Variants in SORCS2 observed in about 807,000 individuals in gnomAD.
The protein encoded by SORCS2 is VPS10 domain-containing receptor SorCS2.
A neutral mutation model predicts 141.6 loss-of-function variants in SORCS2; 100 were observed. The observed-to-expected ratio is 0.71, with a 90% CI of 0.60 to 0.83. The LOEUF is 0.83. SORCS2 is among the 40% of genes least tolerant of loss of function. The pLI is 0.00. For synonymous variants in SORCS2, 789 were observed against 676.9 expected (o/e 1.17, Z -2.57); for missense variants, 1,646 against 1,560.2 (o/e 1.05, Z -0.93).
chr4:7,463,733 C>T (rs912905031), intron 2 of SORCS2, among the ~76,000 whole-genome samples: 2 of 152,184 alleles, frequency 1.3e-5, no homozygotes, highest in African/African-American at 2.4e-5. Context: ...TGCCACTCTC[C>T]TGCACCGCTC....
chr4:7,433,318 G>C, intron 2 of SORCS2: 2 of 1,403,154 alleles, frequency 1.4e-6, no homozygotes, highest in Non-Finnish European at 1.9e-6. Flanking sequence ...CCACGGTCAC[G>C]CGTGTTCCCC....
chr4:7,250,305 C>T (rs1713406753), intron 1 of SORCS2, among the ~76,000 whole-genome samples: 1 of 152,148 alleles, frequency 6.6e-6, no homozygotes, highest in Non-Finnish European at 1.5e-5. Context: ...GCAATTCTCC[C>T]ACCACCTGGG....
At chr4:7,421,399 G>A (rs371268155) in intron 2 of SORCS2, among the ~76,000 whole-genome samples, 6 of 152,278 alleles carry the variant, frequency 3.9e-5, no homozygotes, top group East Asian at 3.9e-4. Context: ...TGTGGCTTTC[G>A]GGAAGTGACT....
chr4:7,383,082 C>T (rs531855292), intron 1 of SORCS2, among the ~76,000 whole-genome samples: 2 of 152,262 alleles, frequency 1.3e-5, no homozygotes, highest in African/African-American at 4.8e-5. Flanking sequence ...ACGGAGTCCT[C>T]ATGCCCCGCG....
intron 1 of SORCS2, among the ~76,000 whole-genome samples, chr4:7,242,011 C>T (rs114984059): frequency 2.0e-5 from 3 of 152,118 alleles, no homozygotes; most frequent in Non-Finnish European, 2.9e-5. Flanking sequence ...GCAGAGGCTG[C>T]CGTTTGACTG....
intron 2 of SORCS2, among the ~76,000 whole-genome samples, chr4:7,403,991 ATATATATTTTTTTTTT>A (rs1310905309): frequency 1.2e-3 from 6 of 5,052 alleles, no homozygotes; most frequent in South Asian, 4.8e-3. Context: ...ATATATATAT[ATATATATTTTTTTTTT>A]TTTTTTAGTA....
intron 1 of SORCS2, among the ~76,000 whole-genome samples, chr4:7,232,386 C>T (rs1416938072): frequency 6.6e-6 from 1 of 152,196 alleles, no homozygotes; most frequent in Non-Finnish European, 1.5e-5. Flanking sequence ...ACTCCTAGGA[C>T]CCAGGGCCCG....
intron 2 of SORCS2, among the ~76,000 whole-genome samples, chr4:7,396,655 A>G (rs1409050046): frequency 6.6e-6 from 1 of 152,134 alleles, no homozygotes; most frequent in East Asian, 1.9e-4. Flanking sequence ...GAGGGTTTGC[A>G]TTGTGAATTC....
intron 3 of SORCS2, among the ~76,000 whole-genome samples, chr4:7,581,715 T>TC (rs1440024544): frequency 6.6e-6 from 1 of 152,034 alleles, no homozygotes; most frequent in African/African-American, 2.4e-5. Context: ...TTGCTTAGGG[T>TC]CCCCCACAGC....
intron 1 of SORCS2, among the ~76,000 whole-genome samples, chr4:7,214,491 C>T (rs568304004): frequency 7.9e-5 from 12 of 152,322 alleles, no homozygotes; most frequent in Non-Finnish European, 1.5e-4. Flanking sequence ...ATGACTCAGT[C>T]TGTGGTATTC....
intron 16 of SORCS2, among the ~76,000 whole-genome samples, chr4:7,714,736 A>G (rs1726075958): frequency 6.6e-6 from 1 of 152,132 alleles, no homozygotes; most frequent in Admixed American, 6.5e-5. Context: ...GTCCCCTGCT[A>G]TTCTCAAAAG....
intron 5 of SORCS2, among the ~76,000 whole-genome samples, chr4:7,657,985 G>A (rs564241711): frequency 1.3e-5 from 2 of 152,178 alleles, no homozygotes; most frequent in South Asian, 4.2e-4. Flanking sequence ...GAGTGAGTCT[G>A]TGATTGAGTG....
chr4:7,625,568 G>A (rs1719464657), intron 3 of SORCS2, among the ~76,000 whole-genome samples: 1 of 151,866 alleles, frequency 6.6e-6, no homozygotes, highest in African/African-American at 2.4e-5. Context: ...TGCCAAGGAG[G>A]TAGGTGCAGG....
intron 1 of SORCS2, among the ~76,000 whole-genome samples, chr4:7,251,878 A>T (rs1007119216): frequency 1.1e-4 from 17 of 152,092 alleles, no homozygotes; most frequent in Admixed American, 3.9e-4. Context: ...TGCATCCGGG[A>T]CAGAATTGGG....
chr4:7,540,680 GA>G (rs1712563906), intron 3 of SORCS2, among the ~76,000 whole-genome samples: 1 of 152,208 alleles, frequency 6.6e-6, no homozygotes. Context: ...CACATCTGAT[GA>G]AGAGAGTCAT....
At chr4:7,462,482 A>G (rs1469637465) in intron 2 of SORCS2, among the ~76,000 whole-genome samples, 1 of 152,164 alleles carries the variant, frequency 6.6e-6, no homozygotes, top group African/African-American at 2.4e-5. Context: ...GCAGAAGCCC[A>G]GATAAAAGCA....
intron 1 of SORCS2, among the ~76,000 whole-genome samples, chr4:7,360,571 C>CTTTTTTGTTTTTTTT (rs1721521036): frequency 4.1e-5 from 2 of 49,272 alleles, no homozygotes; most frequent in Non-Finnish European, 6.5e-5. Flanking sequence ...CCAGTCCCTT[C>CTTTTTTGTTTTTTTT]TTTTTTTTTT....
At chr4:7,565,167 T>A (rs986370920) in intron 3 of SORCS2, among the ~76,000 whole-genome samples, 3 of 152,146 alleles carry the variant, frequency 2.0e-5, no homozygotes, top group African/African-American at 4.8e-5. Context: ...TGACCGAGGA[T>A]CGATAAGACA....
At chr4:7,554,842 A>T (rs1205658673) in intron 3 of SORCS2, among the ~76,000 whole-genome samples, 1 of 152,190 alleles carries the variant, frequency 6.6e-6, no homozygotes, top group Non-Finnish European at 1.5e-5. Flanking sequence ...CGTGAGAAAC[A>T]TGCTGGCTCC....
Sources: gnomAD v4.1 joint callset for allele counts (sites outside exome capture counted in the v4.1 genomes callset) on GRCh38, gnomAD v4.1.1 for gene constraint, MANE v1.5 for transcripts, NCBI Gene and HGNC (gene_info 2026-07-23, HGNC 2026-07-21) for gene names.